CKAP5: variants seen among roughly 807,000 people sequenced by gnomAD.
CKAP5 encodes cytoskeleton-associated protein 5.
Under a neutral mutation model 232.8 loss-of-function variants are expected in CKAP5, and 27 were observed. That is an observed-to-expected ratio of 0.12 (90% confidence interval 0.09 to 0.16). The LOEUF (loss-of-function observed/expected upper bound fraction) is 0.16, where lower values mean the gene tolerates loss of function less well. CKAP5 is among the 10% of genes least tolerant of loss of function. The pLI, the probability that CKAP5 is intolerant of heterozygous loss-of-function variation, is 1.00. For synonymous variants in CKAP5, 785 were observed against 841.1 expected (o/e 0.93, Z 1.16); for missense variants, 1,838 against 2,424.7 (o/e 0.76, Z 5.08).
chr11:46,797,934 T>C lies in CKAP5; in HGVS notation c.1209A>G (p.Ala403=), dbSNP rs757749608. 3.1e-5 allele frequency: 50 copies of C among 1,613,882 alleles called. No individual in the cohort carries two copies. The Admixed American group carries it at 6.2e-4, about 20-fold the overall frequency. The change falls in exon 11 of 44, where the codon GCA becomes GCG. Residue 403 remains alanine (A), a synonymous_variant. Transcript: ENST00000529230. The part of the protein sequence containing the change: ...TLQNISEDVL[A]VMDNKNPTIK... ...TGGTTGGATTTTTATTATCCATTAC[T>C]GCTAAAACATCCTCACTGATGTTCT...
chr11:46,769,241 G>C (rs1241967782), intron 26 of CKAP5, among the ~76,000 whole-genome samples: 1 of 152,148 alleles, frequency 6.6e-6, no homozygotes, highest in African/African-American at 2.4e-5. Flanking sequence ...TTAATATCAG[G>C]ATAAAGAAAT....
chr11:46,744,622 C>T (rs1222484508), intron 42 of CKAP5, 45 bp from the exon 43 acceptor site: 1 of 1,571,256 alleles, frequency 6.4e-7, no homozygotes, highest in East Asian at 2.3e-5. Context: ...TCCACATATC[C>T]CCCTTCTAAA....
rs117183893 is a variant in CKAP5 at position 46,797,615 on chromosome 11, A to G, written c.1338+190T>C. On this transcript the variant is annotated intron_variant, in intron 11 of 43. Transcript: ENST00000529230. Reference sequence around the variant, plus strand: ...TAACAGTTAATGGAATCATAACACTAACTTGTGCTTTCTTTCAAGAAGAGG... The same window carrying G: ...TAACAGTTAATGGAATCATAACACTGACTTGTGCTTTCTTTCAAGAAGAGG... Among the ~76,000 whole-genome samples, 47 of 152,326 alleles carry G rather than the reference A, an allele frequency of 3.1e-4. No individual in the cohort carries two copies. In the East Asian group the frequency reaches 8.9e-3, roughly 29 times the overall value.
intron 40 of CKAP5, among the ~76,000 whole-genome samples, chr11:46,750,852 C>T (rs891155790): frequency 1.3e-5 from 2 of 152,172 alleles, no homozygotes; most frequent in Non-Finnish European, 2.9e-5. Flanking sequence ...ATATTCTTTC[C>T]ATGTTAAGCA....
intron 24 of CKAP5, among the ~76,000 whole-genome samples, 155 bp downstream of exon 24, chr11:46,776,100 C>T (rs1323538099): frequency 6.6e-6 from 1 of 152,150 alleles, no homozygotes; most frequent in African/African-American, 2.4e-5. Flanking sequence ...AATGGAAGCA[C>T]ATGAATACAA....
intron 1 of CKAP5, among the ~76,000 whole-genome samples, chr11:46,830,010 A>C (rs1939744127): frequency 6.6e-6 from 1 of 152,070 alleles, no homozygotes; most frequent in Non-Finnish European, 1.5e-5. Context: ...AGATGTGATT[A>C]AATTAAGGAT....
intron 26 of CKAP5, 68 bp downstream of exon 26, chr11:46,769,895 G>A: frequency 2.0e-6 from 3 of 1,519,542 alleles, no homozygotes; most frequent in Non-Finnish European, 1.8e-6. Flanking sequence ...AAAAGACAAG[G>A]CTGAATGTCT....
intron 16 of CKAP5, among the ~76,000 whole-genome samples, chr11:46,788,052 G>GT (rs561724247): frequency 2.0e-5 from 3 of 152,074 alleles, no homozygotes; most frequent in South Asian, 4.1e-4. Flanking sequence ...TTACTTTATT[G>GT]TAAGAATACA....
intron 8 of CKAP5, among the ~76,000 whole-genome samples, chr11:46,807,552 T>C (rs1011074413): frequency 6.6e-6 from 1 of 152,204 alleles, no homozygotes; most frequent in Non-Finnish European, 1.5e-5. Flanking sequence ...AGCATTCAAC[T>C]TGCAATACCA....
At chr11:46,818,645 G>GA in intron 2 of CKAP5, 142 bp from the exon 3 acceptor site, 1 of 575,930 alleles carries the variant, frequency 1.7e-6, no homozygotes. Flanking sequence ...GACTAGAAAT[G>GA]AAAAAAGAGT....
At chr11:46,845,758 G>C (rs1940173624) in intron 1 of CKAP5, among the ~76,000 whole-genome samples, 1 of 152,208 alleles carries the variant, frequency 6.6e-6, no homozygotes, top group Non-Finnish European at 1.5e-5. Context: ...GCCAGGCCCC[G>C]GTGCCGCTGT....
chr11:46,825,133 G>T (rs879172636), intron 1 of CKAP5, among the ~76,000 whole-genome samples: 1 of 152,162 alleles, frequency 6.6e-6, no homozygotes. Context: ...TTTATTTTTA[G>T]ACTAGAGGTT....
At chr11:46,778,045 C>A in intron 22 of CKAP5, 94 bp downstream of exon 22, 1 of 956,866 alleles carries the variant, frequency 1.0e-6, no homozygotes, top group Non-Finnish European at 1.6e-6. Flanking sequence ...ATAAAGTAAC[C>A]ACTTATTTTT....
At chr11:46,781,318 C>A (rs1286391980) in intron 18 of CKAP5, among the ~76,000 whole-genome samples, 1 of 152,200 alleles carries the variant, frequency 6.6e-6, no homozygotes, top group Admixed American at 6.5e-5. Context: ...TATGTCCAAG[C>A]CACCAGAATT....
At chr11:46,840,448 A>T (rs1424089421) in intron 1 of CKAP5, among the ~76,000 whole-genome samples, 1 of 152,234 alleles carries the variant, frequency 6.6e-6, no homozygotes, top group Non-Finnish European at 1.5e-5. Context: ...GGAGCATAAG[A>T]GAGCCTGGCT....
chr11:46,786,223 G>T (rs1041788258), intron 16 of CKAP5, among the ~76,000 whole-genome samples: 3 of 152,172 alleles, frequency 2.0e-5, no homozygotes. Flanking sequence ...CTGAATTTTA[G>T]TAAGGACAGT....
chr11:46,830,768 A>C (rs1939772344), intron 1 of CKAP5, among the ~76,000 whole-genome samples: 1 of 152,150 alleles, frequency 6.6e-6, no homozygotes, highest in Non-Finnish European at 1.5e-5. Context: ...ATCTGTAGAA[A>C]ATTATTAACC....
At chr11:46,753,280 AGGCTCTATT>A in intron 37 of CKAP5, 21 bp downstream of exon 37, 1 of 1,545,622 alleles carries the variant, frequency 6.5e-7, no homozygotes, top group Non-Finnish European at 8.7e-7. Flanking sequence ...AGGATGCCCC[AGGCTCTATT>A]GGCTGAGAGT....
chr11:46,806,787 C>G (rs997028395), intron 8 of CKAP5, among the ~76,000 whole-genome samples: 2 of 152,156 alleles, frequency 1.3e-5, no homozygotes, highest in African/African-American at 4.8e-5. Flanking sequence ...TGGTACTTTC[C>G]TGGTCATTTA....
Sources: gnomAD v4.1 joint callset for allele counts (sites outside exome capture counted in the v4.1 genomes callset) on GRCh38, gnomAD v4.1.1 for gene constraint, MANE v1.5 for transcripts, NCBI Gene and HGNC (gene_info 2026-07-23, HGNC 2026-07-21) for gene names.